GDAP2: variants seen among roughly 807,000 people sequenced by gnomAD.
GDAP2 encodes ganglioside-induced differentiation-associated protein 2.
A neutral mutation model predicts 67.0 loss-of-function variants in GDAP2; 51 were observed. The observed-to-expected ratio is 0.76, with a 90% CI of 0.61 to 0.96. The LOEUF (loss-of-function observed/expected upper bound fraction) is 0.96, where lower values mean the gene tolerates loss of function less well. Ranked by LOEUF, GDAP2 falls within the 40% of genes least tolerant of loss-of-function variation. The pLI, the probability that GDAP2 is intolerant of heterozygous loss-of-function variation, is 0.00. For missense variants in GDAP2, 547 were observed against 588.3 expected, an observed-to-expected ratio of 0.93 and a Z score of 0.73; for synonymous variants, 203 against 207.3, an observed-to-expected ratio of 0.98 and a Z score of 0.18.
intron 12 of GDAP2, among the ~76,000 whole-genome samples, chr1:117,880,205 G>C (rs553675380): frequency 6.6e-6 from 1 of 151,944 alleles, no homozygotes; most frequent in South Asian, 2.1e-4. Context: ...TGAGAAGAGA[G>C]AGAGAGAGGC....
chr1:117,921,920 G>A (rs1489863920), intron 1 of GDAP2, among the ~76,000 whole-genome samples: 2 of 152,132 alleles, frequency 1.3e-5, no homozygotes, highest in South Asian at 2.1e-4. Flanking sequence ...ATAGACAGTA[G>A]GGAGAAAGAG....
chr1:117,923,674 C>T (rs1650338424), intron 1 of GDAP2, among the ~76,000 whole-genome samples: 2 of 152,192 alleles, frequency 1.3e-5, no homozygotes. Flanking sequence ...ACCCCTAGAA[C>T]CACCACCAAA....
chr1:117,924,331 T>TCCAC (rs1650366927), intron 1 of GDAP2, among the ~76,000 whole-genome samples: 1 of 152,186 alleles, frequency 6.6e-6, no homozygotes, highest in Non-Finnish European at 1.5e-5. Context: ...CCCTTCTTTG[T>TCCAC]GTCCACGTGT....
chr1:117,924,661 A>C (rs564374680), intron 1 of GDAP2, among the ~76,000 whole-genome samples: 1 of 152,210 alleles, frequency 6.6e-6, no homozygotes, highest in South Asian at 2.1e-4. Context: ...CATTTATATA[A>C]CAATTTCAGA....
chr1:117,928,286 T>C (rs1033544571), intron 1 of GDAP2, among the ~76,000 whole-genome samples: 2 of 152,206 alleles, frequency 1.3e-5, no homozygotes, highest in Admixed American at 1.3e-4. Flanking sequence ...GTCTTGACAA[T>C]AATTATTTAG....
At chr1:117,899,335 C>T (rs1196072507) in intron 6 of GDAP2, 119 bp from the exon 7 acceptor site, 5 of 687,654 alleles carry the variant, frequency 7.3e-6, no homozygotes, top group South Asian at 5.4e-5. Flanking sequence ...AAGACTTTAC[C>T]ACTTCTGAGC....
intron 1 of GDAP2, among the ~76,000 whole-genome samples, chr1:117,928,646 G>T (rs1650552253): frequency 6.6e-6 from 1 of 152,214 alleles, no homozygotes; most frequent in Non-Finnish European, 1.5e-5. Flanking sequence ...GAATATGGAA[G>T]ATTAGCTGAA....
chr1:117,876,495 C>T (rs1382771236), intron 13 of GDAP2, among the ~76,000 whole-genome samples: 5 of 152,206 alleles, frequency 3.3e-5, no homozygotes, highest in Admixed American at 1.3e-4. Context: ...AAGAAACCCT[C>T]TTTTGTTTCT....
chr1:117,892,510 C>T (rs1254873547), intron 8 of GDAP2, among the ~76,000 whole-genome samples: 3 of 151,996 alleles, frequency 2.0e-5, no homozygotes, highest in South Asian at 2.1e-4. Flanking sequence ...TCCTAAATAT[C>T]CTATATAGAG....
intron 1 of GDAP2, among the ~76,000 whole-genome samples, chr1:117,928,695 A>C (rs1269735779): frequency 6.6e-6 from 1 of 152,240 alleles, no homozygotes; most frequent in East Asian, 1.9e-4. Flanking sequence ...AAAATCAGAT[A>C]ATGTAGACAA....
chr1:117,876,494 T>A (rs1390178636), intron 13 of GDAP2, among the ~76,000 whole-genome samples: 1 of 152,200 alleles, frequency 6.6e-6, no homozygotes, highest in Non-Finnish European at 1.5e-5. Flanking sequence ...TAAGAAACCC[T>A]CTTTTGTTTC....
At chr1:117,894,715 G>A (rs753063993) in intron 8 of GDAP2, among the ~76,000 whole-genome samples, 1 of 152,116 alleles carries the variant, frequency 6.6e-6, no homozygotes, top group African/African-American at 2.4e-5. Flanking sequence ...TTCAAAGAAT[G>A]ACTGGCAAAC....
intron 1 of GDAP2, among the ~76,000 whole-genome samples, chr1:117,922,828 C>T (rs375524628): frequency 3.3e-5 from 5 of 152,200 alleles, no homozygotes; most frequent in Non-Finnish European, 7.3e-5. Flanking sequence ...AGCAGAGAAC[C>T]GGTCTGACTA....
Position 117,920,435 on chromosome 1 carries a change from A to T in GDAP2, c.-67-11T>A, listed in dbSNP as rs1391207029. ...CACTGGAGACTTTAGCTTTAAGAGA[A>T]AAGAAAGAATCACTTTAATAGAGAA... On this transcript the variant is annotated splice_polypyrimidine_tract_variant and intron_variant, in intron 1 of 13. Coordinates refer to ENST00000369443, the MANE Select transcript of GDAP2 (RefSeq NM_017686.4). 2 of 893,710 alleles carry T rather than the reference A, an allele frequency of 2.2e-6. No homozygotes were observed. The highest frequency in any genetic ancestry group is 3.5e-6 in the Non-Finnish European group (2 of 574,394). 55.4% of individuals were successfully genotyped at this position (893,710 alleles called of 1,614,324 possible).
chr1:117,924,061 T>C (rs992062515), intron 1 of GDAP2, among the ~76,000 whole-genome samples: 1 of 152,242 alleles, frequency 6.6e-6, no homozygotes, highest in African/African-American at 2.4e-5. Flanking sequence ...CTGGCAAGAT[T>C]ATATGAGATG....
intron 12 of GDAP2, among the ~76,000 whole-genome samples, chr1:117,881,555 A>C (rs1237809885): frequency 6.6e-5 from 10 of 152,174 alleles, no homozygotes; most frequent in Non-Finnish European, 1.3e-4. Flanking sequence ...TGTATTCTGT[A>C]ACAACAGCAT....
intron 6 of GDAP2, among the ~76,000 whole-genome samples, chr1:117,901,950 A>G (rs1649485587): frequency 6.6e-6 from 1 of 152,148 alleles, no homozygotes; most frequent in Non-Finnish European, 1.5e-5. Context: ...AGTCTGCTGG[A>G]ATTATTCAAA....
At chr1:117,899,692 A>G (rs1361681845) in intron 6 of GDAP2, among the ~76,000 whole-genome samples, 3 of 152,216 alleles carry the variant, frequency 2.0e-5, no homozygotes, top group South Asian at 4.1e-4. Flanking sequence ...TTACTTAAAA[A>G]AAACCAAACA....
chr1:117,921,958 T>C (rs139671814), intron 1 of GDAP2, among the ~76,000 whole-genome samples: 2 of 152,294 alleles, frequency 1.3e-5, no homozygotes, highest in East Asian at 3.9e-4. Context: ...TCTGGATTAC[T>C]TGCTTACACA....
Sources: allele counts gnomAD v4.1 joint callset (sites outside exome capture counted in the v4.1 genomes callset), GRCh38; gene constraint gnomAD v4.1.1; transcripts MANE v1.5; gene names NCBI Gene and HGNC (gene_info 2026-07-23, HGNC 2026-07-21).